Variants in APOLD1 observed in about 807,000 individuals in gnomAD.
APOLD1 encodes the protein apolipoprotein L domain containing 1, also known as apolipoprotein L domain-containing protein 1.
APOLD1 carries 22 observed loss-of-function variants against 15.3 expected under a neutral mutation model. That is an observed-to-expected ratio of 1.44 (90% CI 1.03 to 2.05). The LOEUF (loss-of-function observed/expected upper bound fraction) is 2.05. Ranked by LOEUF, APOLD1 falls within the 30% of genes most tolerant of loss-of-function variation. APOLD1 has a pLI of 0.00. For missense variants in APOLD1, 394 were observed against 353.5 expected, an observed-to-expected ratio of 1.11 and a Z score of -0.92; for synonymous variants, 190 against 167.4, an observed-to-expected ratio of 1.13 and a Z score of -1.04.
rs137951324 is a variant in APOLD1 at position 12,757,231 on chromosome 12, T to A, written c.97-29678T>A. 1.7e-3 allele frequency among the ~76,000 whole-genome samples: 252 copies of A among 152,320 alleles called. 9 individuals carry two copies. The East Asian group carries it at 0.044, about 27-fold the overall frequency. On this transcript the variant is annotated intron_variant, in intron 1 of 1. Coordinates refer to the APOLD1 transcript ENST00000326765. ...TGTTTTCAGGCCATGATCTTGCAGG[T>A]GTCTCCAGGAGAAGCCTGAAGCTCA...
At chr12:12,755,640 G>A (rs1308781069) in intron 1 of APOLD1, among the ~76,000 whole-genome samples, 1 of 152,092 alleles carries the variant, frequency 6.6e-6, no homozygotes, top group African/African-American at 2.4e-5. Context: ...CAGGAGTTCA[G>A]GACCAGCCTG....
intron 1 of APOLD1, among the ~76,000 whole-genome samples, chr12:12,768,651 CTTAAA>C (rs1305448067): frequency 1.3e-5 from 2 of 149,208 alleles, no homozygotes; most frequent in African/African-American, 4.9e-5. Context: ...GACCTCATCT[CTTAAA>C]TTAAAAAAAA....
intron 1 of APOLD1, among the ~76,000 whole-genome samples, chr12:12,746,947 C>T (rs1344152058): frequency 6.6e-6 from 1 of 152,102 alleles, no homozygotes; most frequent in African/African-American, 2.4e-5. Flanking sequence ...CCCAGCTACA[C>T]CAATGTTGCT....
intron 1 of APOLD1, among the ~76,000 whole-genome samples, chr12:12,732,610 A>G (rs1229388342): frequency 1.3e-5 from 2 of 151,966 alleles, no homozygotes; most frequent in Non-Finnish European, 2.9e-5. Flanking sequence ...CTGTGATCCC[A>G]TCTACTTGGG....
intron 1 of APOLD1, among the ~76,000 whole-genome samples, chr12:12,754,089 G>T (rs934511195): frequency 8.6e-5 from 13 of 151,068 alleles, no homozygotes; most frequent in African/African-American, 2.9e-4. Flanking sequence ...TGTAATCCCA[G>T]CTACTTGGGA....
intron 1 of APOLD1, among the ~76,000 whole-genome samples, chr12:12,770,168 G>A (rs1267691271): frequency 6.6e-6 from 1 of 152,158 alleles, no homozygotes; most frequent in Non-Finnish European, 1.5e-5. Flanking sequence ...CCAGCACTTT[G>A]GGAGGCCGAG....
At chr12:12,785,547 G>A, upstream of APOLD1, 1 of 1,425,788 alleles carries the variant, frequency 7.0e-7, no homozygotes, top group Non-Finnish European at 9.7e-7. Flanking sequence ...TCTAGATGAA[G>A]GCAGCAGGGG....
intron 1 of APOLD1, among the ~76,000 whole-genome samples, chr12:12,743,068 T>C (rs954785963): frequency 1.3e-5 from 2 of 152,240 alleles, no homozygotes; most frequent in East Asian, 3.9e-4. Context: ...AAAAGCTTTA[T>C]CTTCGTTAAT....
chr12:12,730,547 G>T (rs545477718), intron 1 of APOLD1, among the ~76,000 whole-genome samples: 1 of 151,736 alleles, frequency 6.6e-6, no homozygotes, highest in South Asian at 2.1e-4. Flanking sequence ...CGGGCGTGGT[G>T]GCAGGCACCT....
chr12:12,726,027 G>A, exon 1 of APOLD1: 1 of 1,527,070 alleles, frequency 6.5e-7, no homozygotes, highest in African/African-American at 1.4e-5. Flanking sequence ...GTCACCGGCT[G>A]CGGGCCAGGG....
At position 12,741,707 on chromosome 12, in the gene APOLD1, G is replaced by A. The variant is rs545872935; in HGVS notation, c.96+15611G>A. Among the ~76,000 whole-genome samples the A allele has an allele frequency of 6.6e-5, 10 of 152,328 alleles. No individual in the cohort carries two copies. The South Asian group carries it at 1.7e-3, about 25-fold the overall frequency. On this transcript the variant is annotated intron_variant, in intron 1 of 1. Transcript: ENST00000326765. ...TGATACGCAGAGAGATGTTCTCTCT[G>A]TACAGTTATATAATAACAATAGCTA... is the stretch of plus-strand genomic sequence containing the variant.
intron 1 of APOLD1, among the ~76,000 whole-genome samples, chr12:12,763,274 A>G (rs1946916188): frequency 1.3e-5 from 2 of 152,216 alleles, no homozygotes; most frequent in Middle Eastern, 6.8e-3. Flanking sequence ...ATGCGGCGAG[A>G]ACATTTAAAA....
chr12:12,760,745 A>C (rs372103683), intron 1 of APOLD1, among the ~76,000 whole-genome samples: 7 of 152,284 alleles, frequency 4.6e-5, no homozygotes, highest in African/African-American at 1.7e-4. Flanking sequence ...AAGGCAAATC[A>C]ATAGAAATAT....
chr12:12,746,510 A>AATAAATATAC (rs57489224), intron 1 of APOLD1, among the ~76,000 whole-genome samples: 1 of 149,838 alleles, frequency 6.7e-6, no homozygotes, highest in Non-Finnish European at 1.5e-5. Context: ...TAAATAAATA[A>AATAAATATAC]ATAAATACAT....
At chr12:12,746,528 T>TAAATACATAAATACAC (rs1291294780) in intron 1 of APOLD1, among the ~76,000 whole-genome samples, 1 of 152,068 alleles carries the variant, frequency 6.6e-6, no homozygotes, top group Non-Finnish European at 1.5e-5. Flanking sequence ...CATAAATACA[T>TAAATACATAAATACAC]ACATACATAT....
intron 1 of APOLD1, among the ~76,000 whole-genome samples, chr12:12,779,698 A>G (rs1947064539): frequency 6.6e-6 from 1 of 152,240 alleles, no homozygotes; most frequent in Admixed American, 6.5e-5. Context: ...CTAACAGGGA[A>G]ATGACTAAGC....
At chr12:12,778,420 A>G (rs1947054513) in intron 1 of APOLD1, among the ~76,000 whole-genome samples, 1 of 151,822 alleles carries the variant, frequency 6.6e-6, no homozygotes, top group Non-Finnish European at 1.5e-5. Flanking sequence ...CCTAGGCTCA[A>G]GCACTCCTCC....
At chr12:12,738,048 A>C (rs946604966) in intron 1 of APOLD1, among the ~76,000 whole-genome samples, 1 of 152,132 alleles carries the variant, frequency 6.6e-6, no homozygotes, top group East Asian at 1.9e-4. Context: ...TGAGAAAAAC[A>C]TTGAATATAT....
At position 12,787,123 on chromosome 12, in the gene APOLD1, G is replaced by T. The variant is rs779517680; in HGVS notation, c.218G>T (p.Gly73Val). The change falls in exon 2 of 2, where the codon GGG becomes GTG. Residue 73 changes from glycine to valine, a missense_variant. By Grantham distance (109) the Gly-to-Val change is moderately radical (BLOSUM62 -3). Coordinates refer to ENST00000356591, the MANE Select transcript of APOLD1 (RefSeq NM_030817.3). This position sits in a 1 kb window ranked among gnomAD's most constrained non-coding sequence, Gnocchi z 4.9. ...ACGGGCGCCCTCGCCGCCATCGTGG[G>T]GCTCTCGCTCAGCCCGGTCACCCTG... Reference protein sequence around the residue: ...SATGALAAIVGLSLSPVTLGT... With the variant: ...SATGALAAIVVLSLSPVTLGT... The T allele has an allele frequency of 3.4e-5, 50 of 1,450,922 alleles. No individual in the cohort carries two copies. The African/African-American group carries it at 7.3e-4, about 21-fold the overall frequency. The allele number at this position is 1,450,922 out of a possible 1,614,324, so 89.9% of individuals were successfully genotyped here.
Sources: allele counts gnomAD v4.1 joint callset (sites outside exome capture counted in the v4.1 genomes callset), GRCh38; gene constraint gnomAD v4.1.1; non-coding constraint Gnocchi (gnomAD v3.1); transcripts MANE v1.5; gene names NCBI Gene and HGNC (gene_info 2026-07-23, HGNC 2026-07-21).